Variants in PRRX1 observed in about 807,000 individuals in gnomAD.
PRRX1 encodes the protein paired mesoderm homeobox protein 1.
In PRRX1, 8 loss-of-function variants were observed where a neutral mutation model predicts 24.0. The observed-to-expected ratio is 0.33, with a 90% CI of 0.20 to 0.60. The LOEUF (loss-of-function observed/expected upper bound fraction) is 0.60, where lower values mean the gene tolerates loss of function less well. Among genes scored for constraint, PRRX1 ranks in the 20% least tolerant of loss-of-function variants. The pLI is 0.82. For missense variants in PRRX1, 281 were observed against 322.4 expected, an observed-to-expected ratio of 0.87 and a Z score of 0.98; for synonymous variants, 160 against 131.7, an observed-to-expected ratio of 1.22 and a Z score of -1.47.
At chr1:170,731,731 T>C (rs1392839834) in intron 3 of PRRX1, among the ~76,000 whole-genome samples, 1 of 152,188 alleles carries the variant, frequency 6.6e-6, no homozygotes, top group Admixed American at 6.5e-5. Context: ...AGCATTCTGC[T>C]CTCTATGGCT....
chr1:170,671,860 T>C (rs1653155819), intron 1 of PRRX1, among the ~76,000 whole-genome samples: 1 of 152,136 alleles, frequency 6.6e-6, no homozygotes, highest in Non-Finnish European at 1.5e-5. Context: ...TTTGTCCCCA[T>C]GGAGCTGTGT....
At chr1:170,693,809 A>G (rs1274920326) in intron 1 of PRRX1, among the ~76,000 whole-genome samples, 2 of 152,098 alleles carry the variant, frequency 1.3e-5, no homozygotes, top group African/African-American at 4.8e-5. Flanking sequence ...TTATTCTCTA[A>G]GAAATCTGAT....
intron 1 of PRRX1, among the ~76,000 whole-genome samples, chr1:170,683,590 G>A (rs1197028531): frequency 1.3e-5 from 2 of 152,114 alleles, no homozygotes; most frequent in Non-Finnish European, 2.9e-5. Flanking sequence ...TGTGTGCAGT[G>A]GGGTATGAAA....
intron 1 of PRRX1, among the ~76,000 whole-genome samples, chr1:170,681,715 T>C (rs1410900427): frequency 6.6e-6 from 1 of 152,164 alleles, no homozygotes; most frequent in Non-Finnish European, 1.5e-5. Flanking sequence ...CCAGCCCTTA[T>C]GAGCTCTAAT....
chr1:170,689,839 C>CTCTCCCT lies in PRRX1; in HGVS notation c.241+25380_241+25381insTCTCCCT, dbSNP rs1558049688. 4.4e-5 allele frequency among the ~76,000 whole-genome samples: 4 copies of CTCTCCCT among 91,642 alleles called. No homozygotes were observed. In the East Asian group the frequency reaches 1.0e-3, roughly 24 times the overall value. The allele number at this position is 91,642 out of a possible 152,430, so 60.1% of individuals were successfully genotyped here. A position where few individuals can be genotyped will look rare whatever the true frequency, so the allele number is the denominator to read the frequency against. ...GTCTCTCTCTCTCTCTCTCTCTCTC[C>CTCTCCCT]CTCTCTCTCTCTCTCTCTCTCTCTC... is the stretch of plus-strand genomic sequence containing the variant. On this transcript the variant is annotated intron_variant, in intron 1 of 3. Coordinates refer to ENST00000239461, the MANE Select transcript of PRRX1 (RefSeq NM_022716.4).
intron 3 of PRRX1, among the ~76,000 whole-genome samples, chr1:170,734,868 T>C (rs879583700): frequency 2.0e-5 from 3 of 152,172 alleles, no homozygotes; most frequent in East Asian, 1.9e-4. Context: ...ATCAATGATA[T>C]ATTCTATTTG....
chr1:170,689,770 A>G (rs569749075), intron 1 of PRRX1, among the ~76,000 whole-genome samples: 6 of 151,500 alleles, frequency 4.0e-5, no homozygotes, highest in African/African-American at 1.5e-4. Context: ...GTTGTCATAA[A>G]GACCAAGCAT....
intron 1 of PRRX1, among the ~76,000 whole-genome samples, chr1:170,705,956 A>G (rs1654550000): frequency 6.6e-6 from 1 of 151,564 alleles, no homozygotes; most frequent in African/African-American, 2.4e-5. Flanking sequence ...ACACACACAC[A>G]CACACACACA....
chr1:170,688,341 AT>A (rs955281748), intron 1 of PRRX1, among the ~76,000 whole-genome samples: 5 of 151,876 alleles, frequency 3.3e-5, no homozygotes, highest in South Asian at 2.1e-4. Flanking sequence ...TAAGGTATCT[AT>A]TTTTTTTCTA....
chr1:170,664,023 G>A (rs1652816109), upstream of PRRX1: 1 of 592,870 alleles, frequency 1.7e-6, no homozygotes, highest in Admixed American at 3.2e-5. Context: ...CTACAGAAGG[G>A]GGTCCCCCAC....
chr1:170,679,621 G>T (rs768044311), intron 1 of PRRX1, among the ~76,000 whole-genome samples: 4 of 152,062 alleles, frequency 2.6e-5, no homozygotes, highest in South Asian at 2.1e-4. Flanking sequence ...GGATGGTCTC[G>T]ATCTCCTGAC....
chr1:170,698,030 G>T (rs1654231096), intron 1 of PRRX1, among the ~76,000 whole-genome samples: 1 of 151,622 alleles, frequency 6.6e-6, no homozygotes, highest in African/African-American at 2.4e-5. Flanking sequence ...ATCATCATTT[G>T]TTAAACACTA....
chr1:170,687,781 C>T (rs927286363), intron 1 of PRRX1, among the ~76,000 whole-genome samples: 2 of 152,042 alleles, frequency 1.3e-5, no homozygotes, highest in Non-Finnish European at 2.9e-5. Flanking sequence ...GTGGATATAT[C>T]CTTGAAATAT....
chr1:170,706,285 T>A (rs1654565822), intron 1 of PRRX1, among the ~76,000 whole-genome samples: 1 of 152,186 alleles, frequency 6.6e-6, no homozygotes, highest in Non-Finnish European at 1.5e-5. Flanking sequence ...AATTTATAGA[T>A]TCCAAAAATG....
At chr1:170,688,368 G>A (rs911073472) in intron 1 of PRRX1, among the ~76,000 whole-genome samples, 8 of 151,804 alleles carry the variant, frequency 5.3e-5, no homozygotes, top group Non-Finnish European at 1.0e-4. Context: ...CTTAAAAATT[G>A]CTTTTATTTA....
chr1:170,708,274 G>C (rs1214531288), intron 1 of PRRX1, among the ~76,000 whole-genome samples: 1 of 151,936 alleles, frequency 6.6e-6, no homozygotes, highest in Non-Finnish European at 1.5e-5. Context: ...ATGATTCAAT[G>C]GAATAAGATT....
chr1:170,724,517 C>T (rs1393940009), intron 2 of PRRX1, among the ~76,000 whole-genome samples: 1 of 152,162 alleles, frequency 6.6e-6, no homozygotes, highest in Non-Finnish European at 1.5e-5. Context: ...GCCAGTTCTC[C>T]AAGCACCATT....
At chr1:170,673,182 A>G (rs1197203740) in intron 1 of PRRX1, among the ~76,000 whole-genome samples, 2 of 152,304 alleles carry the variant, frequency 1.3e-5, no homozygotes, top group South Asian at 2.1e-4. Context: ...TATGAATTTG[A>G]AAGTTCCCAT....
intron 1 of PRRX1, among the ~76,000 whole-genome samples, chr1:170,678,609 TTTATCATA>T (rs1443397079): frequency 7.2e-5 from 11 of 152,182 alleles, no homozygotes; most frequent in African/African-American, 2.7e-4. Flanking sequence ...CTGTCAATAT[TTTATCATA>T]TTGTGTAGGA....
Sources: gnomAD v4.1 joint callset for allele counts (sites outside exome capture counted in the v4.1 genomes callset) on GRCh38, gnomAD v4.1.1 for gene constraint, MANE v1.5 for transcripts, NCBI Gene and HGNC (gene_info 2026-07-23, HGNC 2026-07-21) for gene names.